Variants in LRP2 observed in about 807,000 individuals in gnomAD.
LRP2 encodes the protein low-density lipoprotein receptor-related protein 2.
Under a neutral mutation model 531.0 loss-of-function variants are expected in LRP2, and 172 were observed. That is an observed-to-expected ratio of 0.32 (90% CI 0.29 to 0.37). The LOEUF is 0.37. LRP2 is among the 10% of genes least tolerant of loss of function. The pLI is 1.00. For missense variants in LRP2, 5,167 were observed against 5,868.3 expected, an observed-to-expected ratio of 0.88 and a Z score of 3.90; for synonymous variants, 1,992 against 2,027.6, an observed-to-expected ratio of 0.98 and a Z score of 0.47.
intron 19 of LRP2, 55 bp from the exon 20 acceptor site, chr2:169,247,570 A>T: frequency 1.3e-6 from 2 of 1,591,766 alleles, no homozygotes; most frequent in East Asian, 2.2e-5. Context: ...CTTATAAATA[A>T]ATCACTTGAG....
Position 169,127,858 on chromosome 2 carries a change from A to G in LRP2, c.*805T>C, listed in dbSNP as rs967822758. 2.0e-5 allele frequency: 3 copies of G among 152,290 alleles called. No homozygotes were observed. The highest frequency in any genetic ancestry group is 7.3e-5 in the African/African-American group (3 of 41,368). The allele number at this position is 152,290 out of a possible 1,614,324, so 9.4% of individuals were successfully genotyped here. ...AGGTGACCACCTTGAATGTCAGGTGAGGGGAGAAATTGCTCCAGGGTCCAT... is the reference window on the plus strand; with the variant it reads ...AGGTGACCACCTTGAATGTCAGGTGGGGGGAGAAATTGCTCCAGGGTCCAT... On this transcript the variant is annotated 3_prime_UTR_variant, in exon 79 of 79. Coordinates refer to ENST00000649046, the MANE Select transcript of LRP2 (RefSeq NM_004525.3).
intron 68 of LRP2, among the ~76,000 whole-genome samples, chr2:169,148,001 T>G (rs1235864134): frequency 6.6e-6 from 1 of 152,238 alleles, no homozygotes; most frequent in Admixed American, 6.5e-5. Context: ...ATGGGCCATA[T>G]TTGGCCCACC....
intron 1 of LRP2, among the ~76,000 whole-genome samples, chr2:169,354,569 C>A (rs1265495830): frequency 6.6e-6 from 1 of 152,200 alleles, no homozygotes; most frequent in Admixed American, 6.5e-5. Context: ...CTAGGAAAGA[C>A]TTACATTTCT....
At chr2:169,280,269 C>A in intron 11 of LRP2, 81 bp downstream of exon 11, 1 of 1,499,684 alleles carries the variant, frequency 6.7e-7, no homozygotes, top group Non-Finnish European at 9.2e-7. Flanking sequence ...AAGGAACTTT[C>A]CCCTCTACTC....
intron 4 of LRP2, among the ~76,000 whole-genome samples, chr2:169,295,702 G>A (rs1684119219): frequency 6.6e-6 from 1 of 152,092 alleles, no homozygotes; most frequent in Non-Finnish European, 1.5e-5. Flanking sequence ...GTACAGGGGT[G>A]GGACATTACT....
Position 169,299,125 on chromosome 2 carries a change from AAGAAAG to A in LRP2, c.428-4421_428-4416del, listed in dbSNP as rs1182033504. ...AAAGAAAGAAAGAAAGAAAGAAAGA[AAGAAAG>A]AAAGAAAGAAAGAAAGAAAGAAAGA... On this transcript the variant is annotated intron_variant, in intron 4 of 78. Coordinates refer to ENST00000649046, the MANE Select transcript of LRP2 (RefSeq NM_004525.3). Among the ~76,000 whole-genome samples, 9 of 104,022 alleles carry A rather than the reference AAGAAAG, an allele frequency of 8.7e-5. 1 individual carries two copies. The highest frequency in any genetic ancestry group is 3.0e-4 in the African/African-American group (9 of 29,696). The allele number at this position is 104,022 out of a possible 152,430, so 68.2% of individuals were successfully genotyped here.
intron 10 of LRP2, 114 bp from the exon 11 acceptor site, chr2:169,280,633 C>T (rs566246624): frequency 1.8e-6 from 2 of 1,088,440 alleles, no homozygotes; most frequent in East Asian, 5.1e-5. Flanking sequence ...GGTTGTCTTA[C>T]CTGATTTTAA....
At chr2:169,350,639 G>A (rs919188493) in intron 1 of LRP2, among the ~76,000 whole-genome samples, 11 of 145,430 alleles carry the variant, frequency 7.6e-5, no homozygotes, top group South Asian at 2.2e-4. Context: ...CAGGAGAATC[G>A]CTTGAACCTG....
At chr2:169,192,450 A>G (rs1225482374) in intron 47 of LRP2, among the ~76,000 whole-genome samples, 2 of 119,866 alleles carry the variant, frequency 1.7e-5, no homozygotes, top group Admixed American at 7.1e-5. Flanking sequence ...TGTATAGATG[A>G]GAAAACTGAA....
intron 2 of LRP2, among the ~76,000 whole-genome samples, chr2:169,320,032 G>C (rs1684868321): frequency 6.6e-6 from 1 of 152,164 alleles, no homozygotes; most frequent in African/African-American, 2.4e-5. Flanking sequence ...TGGGATGAAG[G>C]AAATTGCAGA....
At chr2:169,191,733 G>A in intron 48 of LRP2, 99 bp downstream of exon 48, 1 of 958,036 alleles carries the variant, frequency 1.0e-6, no homozygotes. Context: ...AGCATCATGG[G>A]CCCTGGGCAC....
intron 1 of LRP2, among the ~76,000 whole-genome samples, chr2:169,329,921 T>C (rs1685221395): frequency 6.6e-6 from 1 of 152,188 alleles, no homozygotes; most frequent in Admixed American, 6.5e-5. Flanking sequence ...TGAGCATTAG[T>C]GCCTGAGCTC....
chr2:169,159,325 A>C (rs1686486258), intron 63 of LRP2, among the ~76,000 whole-genome samples: 1 of 152,202 alleles, frequency 6.6e-6, no homozygotes, highest in South Asian at 2.1e-4. Flanking sequence ...AGGTGAACTT[A>C]ATCACTCTCA....
At chr2:169,142,569 C>T in intron 71 of LRP2, 105 bp downstream of exon 71, 1 of 1,530,800 alleles carries the variant, frequency 6.5e-7, no homozygotes, top group South Asian at 1.1e-5. Flanking sequence ...TTCCAGCCAT[C>T]CCCACTCTGC....
At chr2:169,328,002 C>T (rs992747454) in intron 1 of LRP2, among the ~76,000 whole-genome samples, 2 of 123,388 alleles carry the variant, frequency 1.6e-5, no homozygotes, top group South Asian at 2.9e-4. Flanking sequence ...GCCCCACGTC[C>T]GGGAGGGAGG....
In LRP2 at chr2:169,205,462, T is replaced by A. The variant is rs774957869; in HGVS notation, c.7715+17A>T. The stretch of plus-strand genomic sequence containing the variant: ...AACCTCTTCTTAACACCCACATGAG[T>A]AACCAGAGACACCTACAGACTAGCA... On this transcript the variant is annotated intron_variant, in intron 41 of 78. Transcript: ENST00000649046. 6.2e-7 allele frequency: 1 copy of A among 1,613,960 alleles called. No individual in the cohort carries two copies. The highest frequency in any genetic ancestry group is 8.5e-7 in the Non-Finnish European group (1 of 1,179,916).
At chr2:169,265,367 G>T (rs1334071644) in intron 16 of LRP2, among the ~76,000 whole-genome samples, 2 of 152,018 alleles carry the variant, frequency 1.3e-5, no homozygotes, top group Non-Finnish European at 2.9e-5. Context: ...CACATGTACA[G>T]ACTTTTGGGT....
chr2:169,136,809 C>CA (rs1384444970), intron 76 of LRP2, among the ~76,000 whole-genome samples: 1 of 151,992 alleles, frequency 6.6e-6, no homozygotes, highest in African/African-American at 2.4e-5. Context: ...CTCACACACA[C>CA]AAAAAAAGAT....
At chr2:169,265,955 A>T (rs951613319) in intron 16 of LRP2, among the ~76,000 whole-genome samples, 4 of 152,044 alleles carry the variant, frequency 2.6e-5, no homozygotes, top group Non-Finnish European at 5.9e-5. Context: ...GTCTTTGTAC[A>T]GGCATTTGAT....
Sources: allele counts gnomAD v4.1 joint callset (sites outside exome capture counted in the v4.1 genomes callset), GRCh38; gene constraint gnomAD v4.1.1; transcripts MANE v1.5; gene names NCBI Gene and HGNC (gene_info 2026-07-23, HGNC 2026-07-21).